CCDC88C: variants seen among roughly 807,000 people sequenced by gnomAD.
CCDC88C encodes protein Daple.
A neutral mutation model predicts 198.8 loss-of-function variants in CCDC88C; 131 were observed. The observed-to-expected ratio is 0.66, with a 90% CI of 0.57 to 0.76. The LOEUF (loss-of-function observed/expected upper bound fraction) is 0.76. Among genes scored for constraint, CCDC88C ranks in the 30% least tolerant of loss-of-function variants. The pLI, the probability that CCDC88C is intolerant of heterozygous loss-of-function variation, is 0.00. For missense variants in CCDC88C, 2,553 were observed against 2,631.6 expected (o/e 0.97, Z 0.65); for synonymous variants, 1,166 against 1,114.7 (o/e 1.05, Z -0.92).
At chr14:91,275,951 A>G (rs1889944901) in intron 29 of CCDC88C, among the ~76,000 whole-genome samples, 5 of 148,212 alleles carry the variant, frequency 3.4e-5, no homozygotes, top group Admixed American at 2.1e-4. Flanking sequence ...CCTCCCGTGT[A>G]GCTGGGACTA....
intron 2 of CCDC88C, 99 bp downstream of exon 2, chr14:91,416,639 A>G (rs1470144418): frequency 1.2e-6 from 1 of 838,698 alleles, no homozygotes; most frequent in Non-Finnish European, 2.0e-6. Flanking sequence ...ACTACCCCCC[A>G]CCCCACACAC....
rs976243480 is a variant in CCDC88C, at chr14:91,352,658, T to C, written c.340+6984A>G. On this transcript the variant is annotated intron_variant, in intron 4 of 29. Coordinates refer to ENST00000389857, the MANE Select transcript of CCDC88C (RefSeq NM_001080414.4). The surrounding 1 kb of genome is among the most constrained non-coding windows in gnomAD (Gnocchi z 4.2). ...TTATATATATATACACACACACATA[T>C]ACACTTATACACAGGATTAGAGAAT... is the stretch of plus-strand genomic sequence containing the variant. 6.6e-6 allele frequency among the ~76,000 whole-genome samples: 1 copy of C among 152,106 alleles called. No homozygotes were observed. Among genetic ancestry groups the C allele is most frequent in the African/African-American group, 2.4e-5 (1 of 41,404 alleles).
intron 3 of CCDC88C, among the ~76,000 whole-genome samples, chr14:91,372,788 C>T (rs867177645): frequency 1.3e-5 from 2 of 152,220 alleles, no homozygotes; most frequent in East Asian, 1.9e-4. Flanking sequence ...TGCTGGGCCT[C>T]GGCATCAAGC....
intron 15 of CCDC88C, among the ~76,000 whole-genome samples, chr14:91,311,474 C>T (rs1271675687): frequency 1.3e-5 from 2 of 152,344 alleles, no homozygotes; most frequent in African/African-American, 2.4e-5. Context: ...CTCACTCTCT[C>T]TCTTCCTCCT....
Position 91,381,703 on chromosome 14 carries a change from G to A in CCDC88C, c.271-21992C>T, listed in dbSNP as rs184996521. The stretch of plus-strand genomic sequence containing the variant: ...CAAACAATTATCTGGGCATGGTGGC[G>A]CGTGCATGTAATTCCAGGTACTTGG... On this transcript the variant is annotated intron_variant, in intron 3 of 29. Coordinates refer to ENST00000389857, the MANE Select transcript of CCDC88C (RefSeq NM_001080414.4). This position sits in a 1 kb window ranked among gnomAD's most constrained non-coding sequence, Gnocchi z 4.2. Among the ~76,000 whole-genome samples, 7 of 152,260 alleles carry A rather than the reference G, an allele frequency of 4.6e-5. No individual in the cohort carries two copies. Among genetic ancestry groups the A allele is most frequent in the South Asian group, 2.1e-4 (1 of 4,826 alleles).
At position 91,374,158 on chromosome 14, in the gene CCDC88C, T is replaced by G. The variant is rs190708343; in HGVS notation, c.271-14447A>C. Among the ~76,000 whole-genome samples, 564 of 152,330 alleles carry G rather than the reference T, an allele frequency of 3.7e-3. 1 individual carries two copies. The highest frequency in any genetic ancestry group is 3.9e-3 in the Non-Finnish European group (264 of 68,024). On this transcript the variant is annotated intron_variant, in intron 3 of 29. Transcript: ENST00000389857. The stretch of plus-strand genomic sequence containing the variant: ...GGCTCTGGTGAGAACAGAGGCTTTT[T>G]GGGACCTCCAACTAAACGCACCCTC...
At chr14:91,415,910 G>T (rs1279175594) in intron 2 of CCDC88C, among the ~76,000 whole-genome samples, 1 of 152,164 alleles carries the variant, frequency 6.6e-6, no homozygotes, top group Non-Finnish European at 1.5e-5. Context: ...AGTCGTAGGT[G>T]AATAGGTGCG....
rs775436843 is a variant in CCDC88C at position 91,273,391 on chromosome 14, G to C, written c.5321C>G (p.Pro1774Arg). ...PSVAPRQAQPPQSLSLGRPRQ... is the reference protein window; with the variant it reads ...PSVAPRQAQPRQSLSLGRPRQ... The stretch of plus-strand genomic sequence containing the variant: ...GGGTCTGCCCAGAGACAGGCTCTGG[G>C]GAGGCTGGGCCTGTCTCGGGGCCAC... The change falls in exon 30 of 30, where the codon CCC (proline) becomes CGC (arginine). Residue 1774 changes from proline to arginine, a missense_variant. Transcript: ENST00000389857. The surrounding 1 kb of genome is among the most constrained non-coding windows in gnomAD (Gnocchi z 5.6). 6.5e-7 allele frequency: 1 copy of C among 1,536,450 alleles called. No individual in the cohort carries two copies. Among genetic ancestry groups the C allele is most frequent in the South Asian group, 1.2e-5 (1 of 80,310 alleles).
At chr14:91,357,880 G>C (rs1256556675) in intron 4 of CCDC88C, among the ~76,000 whole-genome samples, 1 of 152,222 alleles carries the variant, frequency 6.6e-6, no homozygotes, top group East Asian at 1.9e-4. Context: ...TGGCAGAGCT[G>C]GCAGGGGAGC....
intron 4 of CCDC88C, among the ~76,000 whole-genome samples, chr14:91,347,026 A>G (rs1290270824): frequency 6.6e-6 from 1 of 152,100 alleles, no homozygotes; most frequent in African/African-American, 2.4e-5. Flanking sequence ...CGGCCCACAG[A>G]TCACTGGCAA....
intron 4 of CCDC88C, among the ~76,000 whole-genome samples, chr14:91,356,546 A>T (rs992448436): frequency 6.6e-6 from 1 of 152,220 alleles, no homozygotes; most frequent in South Asian, 2.1e-4. Context: ...TTCACCTGTC[A>T]ACAGTCTAAA....
intron 23 of CCDC88C, among the ~76,000 whole-genome samples, chr14:91,293,119 CTCACTTGCCACAGCCCACCTTCCCAT>C (rs1890744479): frequency 2.7e-5 from 4 of 148,952 alleles, no homozygotes; most frequent in African/African-American, 9.9e-5. Context: ...CCTTCCCGTC[CTCACTTGCCACAGCCCACCTTCCCAT>C]CCTCACCTGC....
In CCDC88C at chr14:91,299,924, C is replaced by T. The variant is rs1370827118; in HGVS notation, c.3779+3G>A. 1.9e-6 allele frequency: 3 copies of T among 1,584,390 alleles called. No individual in the cohort carries two copies. The highest frequency in any genetic ancestry group is 2.3e-5 in the South Asian group (2 of 88,096). The stretch of plus-strand genomic sequence containing the variant: ...ATGTGCAGGGCCGGGCGCCGGCGCT[C>T]ACCTGTCCAGCTCGCCCCGCAGCCT... On this transcript the variant is annotated splice_donor_region_variant and intron_variant, in intron 21 of 29. Transcript: ENST00000389857.
Position 91,349,576 on chromosome 14 carries a change from C to T in CCDC88C, c.341-5919G>A, listed in dbSNP as rs574822642. Among the ~76,000 whole-genome samples the T allele has an allele frequency of 1.4e-4, 21 of 152,346 alleles. No homozygotes were observed. In the South Asian group the frequency reaches 4.1e-3, roughly 30 times the overall value. On this transcript the variant is annotated intron_variant, in intron 4 of 29. Coordinates refer to ENST00000389857, the MANE Select transcript of CCDC88C (RefSeq NM_001080414.4). The stretch of plus-strand genomic sequence containing the variant: ...AACATCAGACCGGACACACTCCACA[C>T]TTAACACAACTACACTCTGTTGAGA...
At chr14:91,295,856 T>C (rs1287860373) in intron 22 of CCDC88C, among the ~76,000 whole-genome samples, 1 of 152,102 alleles carries the variant, frequency 6.6e-6, no homozygotes, top group African/African-American at 2.4e-5. Context: ...GCCATTAAGT[T>C]AAAATGAGGC....
rs1043257270 is a variant in CCDC88C, at chr14:91,314,908, G to A, written c.1665+742C>T. Among the ~76,000 whole-genome samples, 7 of 152,302 alleles carry A rather than the reference G, an allele frequency of 4.6e-5. No homozygotes were observed. In the East Asian group the frequency reaches 7.7e-4, roughly 17 times the overall value. ...TCCCAACACTTTGGGAAGCTAAGAC[G>A]GGAGGATCACTTGAGCCCAGGAGTT... On this transcript the variant is annotated intron_variant, in intron 14 of 29. Coordinates refer to ENST00000389857, the MANE Select transcript of CCDC88C (RefSeq NM_001080414.4).
intron 3 of CCDC88C, among the ~76,000 whole-genome samples, chr14:91,360,429 A>AT (rs907786031): frequency 6.6e-6 from 1 of 152,038 alleles, no homozygotes; most frequent in African/African-American, 2.4e-5. Context: ...TGGGGAACAG[A>AT]TGGAGATCCT....
chr14:91,336,597 C>T (rs1437199031), intron 10 of CCDC88C, among the ~76,000 whole-genome samples: 1 of 151,392 alleles, frequency 6.6e-6, no homozygotes, highest in Non-Finnish European at 1.5e-5. Context: ...CCTCTCATAA[C>T]CCAGAGAGCC....
Position 91,288,830 on chromosome 14 carries a change from GGA to G in CCDC88C, c.4441+273_4441+274del, listed in dbSNP as rs1466398680. 1.6e-5 allele frequency: 5 copies of G among 310,622 alleles called. No homozygotes were observed. The highest frequency in any genetic ancestry group is 3.0e-5 in the Non-Finnish European group (5 of 169,010). The allele number at this position is 310,622 out of a possible 1,614,324, so 19.2% of individuals were successfully genotyped here. A position where few individuals can be genotyped will look rare whatever the true frequency, so the allele number is the denominator to read the frequency against. ...GAGGCAGGAGAATCACTTGAACCTGGGAGGCAGCCAGGCTGCACTCTAGCCTG... is the reference window on the plus strand; with the variant it reads ...GAGGCAGGAGAATCACTTGAACCTGGGGCAGCCAGGCTGCACTCTAGCCTG... On this transcript the variant is annotated intron_variant, in intron 25 of 29. Coordinates refer to ENST00000389857, the MANE Select transcript of CCDC88C (RefSeq NM_001080414.4). This position sits in a 1 kb window ranked among gnomAD's most constrained non-coding sequence, Gnocchi z 4.2.
Sources: allele counts gnomAD v4.1 joint callset (sites outside exome capture counted in the v4.1 genomes callset), GRCh38; gene constraint gnomAD v4.1.1; non-coding constraint Gnocchi (gnomAD v3.1); transcripts MANE v1.5; gene names NCBI Gene and HGNC (gene_info 2026-07-23, HGNC 2026-07-21).